RAB3GAP1: variants seen among roughly 807,000 people sequenced by gnomAD.
The protein encoded by RAB3GAP1 is rab3 GTPase-activating protein catalytic subunit.
In RAB3GAP1, 86 loss-of-function variants were observed where a neutral mutation model predicts 130.7. That is an observed-to-expected ratio of 0.66 (90% CI 0.55 to 0.79). The LOEUF is 0.79. Among genes scored for constraint, RAB3GAP1 ranks in the 30% least tolerant of loss-of-function variants. RAB3GAP1 has a pLI of 0.00. For missense variants in RAB3GAP1, 1,029 were observed against 1,169.4 expected, an observed-to-expected ratio of 0.88 and a Z score of 1.75; for synonymous variants, 367 against 401.7, an observed-to-expected ratio of 0.91 and a Z score of 1.03.
chr2:135,171,825 C>T (rs1015483333), downstream of RAB3GAP1, among the ~76,000 whole-genome samples: 3 of 152,038 alleles, frequency 2.0e-5, no homozygotes, highest in Non-Finnish European at 4.4e-5. Context: ...AAGGGAGGGG[C>T]TTACGAGGCA....
In RAB3GAP1 at chr2:135,055,255, C is replaced by T. The variant is rs79262874; in HGVS notation, c.75-2756C>T. ...TAGAATAAGGAATCAGGAAATGACC[C>T]TTCATTTCCTGAGAGCTTTTAAGGA... On this transcript the variant is annotated intron_variant, in intron 2 of 23. Transcript: ENST00000264158. 7.1e-3 allele frequency among the ~76,000 whole-genome samples: 1,088 copies of T among 152,262 alleles called. 12 individuals are homozygous for T. Among genetic ancestry groups the T allele is most frequent in the African/African-American group, 0.025 (1,018 of 41,528 alleles).
chr2:135,154,728 G>C (rs1452880190), intron 19 of RAB3GAP1, among the ~76,000 whole-genome samples: 1 of 152,104 alleles, frequency 6.6e-6, no homozygotes, highest in African/African-American at 2.4e-5. Context: ...CCACAGGGAA[G>C]GGACTTGAAT....
intron 5 of RAB3GAP1, among the ~76,000 whole-genome samples, chr2:135,106,077 A>C (rs1263524840): frequency 6.6e-6 from 1 of 151,224 alleles, no homozygotes; most frequent in Non-Finnish European, 1.5e-5. Flanking sequence ...TCGGCCCGGC[A>C]GCCGCCCCAT....
In RAB3GAP1 at chr2:135,135,612, A is replaced by G; in HGVS notation, c.1603A>G (p.Lys535Glu). Residue 535 changes from lysine to glutamate, a missense_variant, in exon 17 of 24, where the codon AAG (lysine) becomes GAG (glutamate). By Grantham distance (56) the Lys-to-Glu change is moderately conservative (BLOSUM62 1). This residue lies in a region of RAB3GAP1 where 373 missense variants were observed against 493.6 expected (regional missense o/e 0.76). Transcript: ENST00000264158. ...ERKKARDEGK[K>E]TSASDVTNIY... is the part of the protein sequence containing the mutation. ...AAAGAAGGCACGTGATGAGGGGAAA[A>G]AGACAAGTGCTTCAGATGTCACTAA... is the stretch of plus-strand genomic sequence containing the variant. The G allele has an allele frequency of 1.2e-6, 2 of 1,610,712 alleles. No homozygotes were observed. The highest frequency in any genetic ancestry group is 1.7e-6 in the Non-Finnish European group (2 of 1,178,566).
chr2:135,115,531 T>C (rs1690944959), intron 7 of RAB3GAP1, 150 bp downstream of exon 7: 2 of 792,878 alleles, frequency 2.5e-6, no homozygotes, highest in Middle Eastern at 7.6e-4. Context: ...TAAATTACTT[T>C]GTAATTTCTA....
intron 3 of RAB3GAP1, among the ~76,000 whole-genome samples, chr2:135,073,101 C>T (rs543440718): frequency 1.1e-4 from 17 of 152,292 alleles, no homozygotes; most frequent in African/African-American, 4.1e-4. Context: ...AAGCAGACAC[C>T]CATCTTGGAA....
intron 7 of RAB3GAP1, among the ~76,000 whole-genome samples, chr2:135,120,000 A>G (rs970235182): frequency 2.0e-5 from 3 of 152,190 alleles, no homozygotes; most frequent in Admixed American, 6.5e-5. Flanking sequence ...TCATTAATCT[A>G]TTTTGTGTGA....
At chr2:135,126,092 T>G in intron 9 of RAB3GAP1, 89 bp from the exon 10 acceptor site, 2 of 1,014,158 alleles carry the variant, frequency 2.0e-6, no homozygotes, top group Non-Finnish European at 3.1e-6. Context: ...TGTAACATAC[T>G]TTTATTTCCT....
intron 11 of RAB3GAP1, among the ~76,000 whole-genome samples, chr2:135,129,010 G>T (rs773704713): frequency 1.3e-5 from 2 of 152,096 alleles, no homozygotes; most frequent in African/African-American, 2.4e-5. Context: ...AATTAGCTGG[G>T]CATGGTGATG....
chr2:135,153,669 C>T lies in RAB3GAP1; in HGVS notation c.2082C>T (p.Ser694=). 3 of 1,613,734 alleles carry T rather than the reference C, an allele frequency of 1.9e-6. No homozygotes were observed. Among genetic ancestry groups the T allele is most frequent in the Non-Finnish European group, 1.7e-6 (2 of 1,179,840 alleles). Residue 694 remains serine (S), a synonymous_variant, in exon 19 of 24, where the codon TCC becomes TCT. Coordinates refer to ENST00000264158, the MANE Select transcript of RAB3GAP1 (RefSeq NM_012233.3). ...TTTAGGCAGCTAATCCAGGTTGCTC[C>T]CTGGAAGATTTTGTGAGGTGGTATT... The part of the protein sequence containing the change: ...ESFKAANPGC[S]LEDFVRWYSP...
At position 135,135,931 on chromosome 2, in the gene RAB3GAP1, AG is replaced by A; in HGVS notation, c.1923+1del. ...GAACCTCTCTACATTCCAGTAACCC[AG>A]GTAGGATGCACTAGTTCTTTCCATT... ...NGEPLYIPVT[Q>X]EPAPMTEDLL... On this transcript the variant is annotated frameshift_variant and splice_region_variant, in exon 17 of 24. Transcript: ENST00000264158. LOFTEE classifies it high-confidence loss of function. 6.2e-7 allele frequency: 1 copy of A among 1,613,690 alleles called. No homozygotes were observed. Among genetic ancestry groups the A allele is most frequent in the Non-Finnish European group, 8.5e-7 (1 of 1,179,552 alleles).
At chr2:135,090,261 A>G (rs750180987) in intron 3 of RAB3GAP1, among the ~76,000 whole-genome samples, 10 of 152,218 alleles carry the variant, frequency 6.6e-5, no homozygotes, top group Non-Finnish European at 1.5e-4. Context: ...TCAGATGTTT[A>G]CACTAGGTAT....
At chr2:135,167,631 C>G (rs1185184149) in intron 23 of RAB3GAP1, 2 of 1,365,738 alleles carry the variant, frequency 1.5e-6, no homozygotes, top group Non-Finnish European at 2.0e-6. Flanking sequence ...TTGTCTAGCC[C>G]TATTTAAACC....
At chr2:135,099,373 A>G (rs1264642746) in intron 5 of RAB3GAP1, among the ~76,000 whole-genome samples, 1 of 152,050 alleles carries the variant, frequency 6.6e-6, no homozygotes, top group Non-Finnish European at 1.5e-5. Context: ...TTTTGGATAT[A>G]TAACCAGCTT....
At chr2:135,069,682 T>G (rs759813343) in intron 3 of RAB3GAP1, among the ~76,000 whole-genome samples, 1 of 152,222 alleles carries the variant, frequency 6.6e-6, no homozygotes, top group African/African-American at 2.4e-5. Flanking sequence ...CAACTACTTC[T>G]TTTTGTTCGT....
intron 18 of RAB3GAP1, among the ~76,000 whole-genome samples, chr2:135,152,457 G>T (rs530334140): frequency 6.6e-6 from 1 of 152,282 alleles, no homozygotes; most frequent in Non-Finnish European, 1.5e-5. Flanking sequence ...ATTTTCTTTT[G>T]AAGTTTATGC....
intron 11 of RAB3GAP1, among the ~76,000 whole-genome samples, chr2:135,128,698 C>T (rs1470500652): frequency 1.3e-5 from 2 of 152,132 alleles, no homozygotes; most frequent in Non-Finnish European, 2.9e-5. Context: ...TCTGAAGAAG[C>T]CTCAAAAAAG....
intron 17 of RAB3GAP1, among the ~76,000 whole-genome samples, chr2:135,137,509 C>T (rs1237746553): frequency 6.6e-6 from 1 of 152,132 alleles, no homozygotes; most frequent in Non-Finnish European, 1.5e-5. Context: ...TTAAAATAAG[C>T]ATCAGTTTCA....
At chr2:135,093,536 T>G in intron 4 of RAB3GAP1, 79 bp from the exon 5 acceptor site, 1 of 1,037,118 alleles carries the variant, frequency 9.6e-7, no homozygotes, top group Non-Finnish European at 1.5e-6. Flanking sequence ...TAGCAAGACA[T>G]GTGTTTCCTC....
Sources: gnomAD v4.1 joint callset for allele counts (sites outside exome capture counted in the v4.1 genomes callset) on GRCh38, gnomAD v4.1.1 for gene constraint, gnomAD v4.1.1 regional missense constraint, MANE v1.5 for transcripts, NCBI Gene and HGNC (gene_info 2026-07-23, HGNC 2026-07-21) for gene names.